The following IL6ST variants were observed in gnomAD, a reference collection of about 807,000 sequenced individuals.
IL6ST encodes the protein interleukin-6 receptor subunit beta.
A neutral mutation model predicts 91.3 loss-of-function variants in IL6ST; 24 were observed. That is an observed-to-expected ratio of 0.26 (90% CI 0.19 to 0.37). IL6ST has a LOEUF of 0.37. IL6ST is among the 10% of genes least tolerant of loss of function. IL6ST has a pLI of 1.00. For missense variants in IL6ST, 914 were observed against 1,078.5 expected (o/e 0.85, Z 2.14); for synonymous variants, 351 against 373.6 (o/e 0.94, Z 0.70).
At chr5:55,967,955 C>A (rs1051263398) in intron 5 of IL6ST, among the ~76,000 whole-genome samples, 11 of 152,086 alleles carry the variant, frequency 7.2e-5, no homozygotes, top group Non-Finnish European at 1.2e-4. Flanking sequence ...GCCACCATGC[C>A]TGGCTAATTT....
chr5:55,988,767 CAA>C (rs34387197), intron 1 of IL6ST, among the ~76,000 whole-genome samples: 98 of 99,126 alleles, frequency 9.9e-4, no homozygotes, highest in Non-Finnish European at 9.3e-4. Flanking sequence ...ACTCCATCTC[CAA>C]AAAAAAAAAA....
At chr5:55,959,559 T>C in intron 8 of IL6ST, 1 of 743,988 alleles carries the variant, frequency 1.3e-6, no homozygotes, top group South Asian at 1.6e-5. Flanking sequence ...GTACACTCTT[T>C]TTGTGCCTTT....
At position 55,935,271 on chromosome 5, in the gene IL6ST, C is replaced by G. The variant is rs535481387; in HGVS notation, c.*5811G>C. On this transcript the variant is annotated 3_prime_UTR_variant, in exon 17 of 17. Coordinates refer to ENST00000381298, the MANE Select transcript of IL6ST (RefSeq NM_002184.4). ...AGCTCAAAAATAAGAAATGACAATT[C>G]TAGATACACTTTTTTGACATGTAAA... 1 of 187,612 alleles carries G rather than the reference C, an allele frequency of 5.3e-6. No homozygotes were observed. The highest frequency in any genetic ancestry group is 2.3e-5 in the African/African-American group (1 of 42,748). 11.6% of individuals were successfully genotyped at this position (187,612 alleles called of 1,614,324 possible). A position where few individuals can be genotyped will look rare whatever the true frequency, so the allele number is the denominator to read the frequency against.
chr5:55,936,617 G>C lies in IL6ST; in HGVS notation c.*4465C>G. ...ATAAATGCTGTTACAAATATGCATA[G>C]TCAGATGATAGTAACCACATACAGA... On this transcript the variant is annotated 3_prime_UTR_variant, in exon 17 of 17. Transcript: ENST00000381298. 1 of 196,912 alleles carries C rather than the reference G, an allele frequency of 5.1e-6. No individual in the cohort carries two copies. Among genetic ancestry groups the C allele is most frequent in the Non-Finnish European group, 1.1e-5 (1 of 95,016 alleles). The allele number at this position is 196,912 out of a possible 1,614,324, so 12.2% of individuals were successfully genotyped here. A position where few individuals can be genotyped will look rare whatever the true frequency, so the allele number is the denominator to read the frequency against.
intron 8 of IL6ST, 143 bp downstream of exon 8, chr5:55,960,259 C>A: frequency 6.5e-6 from 4 of 617,898 alleles, no homozygotes; most frequent in Non-Finnish European, 1.1e-5. Flanking sequence ...TCTTAATGTC[C>A]TTAAAAATTA....
At chr5:55,956,955 C>G (rs1283601147) in intron 9 of IL6ST, among the ~76,000 whole-genome samples, 1 of 152,080 alleles carries the variant, frequency 6.6e-6, no homozygotes, top group Non-Finnish European at 1.5e-5. Flanking sequence ...GTCAAGAGAT[C>G]AAGATCATCC....
At chr5:55,952,217 C>CTT in intron 12 of IL6ST, 33 bp downstream of exon 12, 1 of 1,527,652 alleles carries the variant, frequency 6.5e-7, no homozygotes, top group Non-Finnish European at 9.0e-7. Flanking sequence ...AAGCCCTAAA[C>CTT]TTTTTTTTTC....
chr5:55,955,732 A>T (rs531946875), intron 10 of IL6ST, among the ~76,000 whole-genome samples: 1 of 152,310 alleles, frequency 6.6e-6, no homozygotes, highest in African/African-American at 2.4e-5. Context: ...TAAAAATGCG[A>T]TCACTAGCTG....
At chr5:55,961,777 A>C (rs1238686730) in intron 7 of IL6ST, among the ~76,000 whole-genome samples, 2 of 151,240 alleles carry the variant, frequency 1.3e-5, no homozygotes, top group Non-Finnish European at 2.9e-5. Flanking sequence ...AAAAAAAGAC[A>C]GCCAGTTCCT....
rs1315949436 is a variant in IL6ST at position 55,941,161 on chromosome 5, A to G, written c.2678T>C (p.Met893Thr). Residue 893 changes from methionine (M) to threonine (T), a missense_variant, in exon 17 of 17, where the codon ATG (methionine) becomes ACG (threonine). Transcript: ENST00000381298. ...CATGCCTTCATCAGTCGCAGCCTCCATGCCAACTGTTTCAAATCTTTCTAC... is the reference window on the plus strand; with the variant it reads ...CATGCCTTCATCAGTCGCAGCCTCCGTGCCAACTGTTTCAAATCTTTCTAC... ...GQVERFETVGMEAATDEGMPK... is the reference protein window; with the variant it reads ...GQVERFETVGTEAATDEGMPK... 1.9e-6 allele frequency: 3 copies of G among 1,614,140 alleles called. No homozygotes were observed. The highest frequency in any genetic ancestry group is 3.3e-5 in the Admixed American group (2 of 60,012).
chr5:55,960,395 T>C lies in IL6ST; in HGVS notation c.973+7A>G. 6.2e-7 allele frequency: 1 copy of C among 1,609,774 alleles called. No homozygotes were observed. The highest frequency in any genetic ancestry group is 8.5e-7 in the Non-Finnish European group (1 of 1,177,064). On this transcript the variant is annotated splice_region_variant and intron_variant, in intron 8 of 16. Coordinates refer to ENST00000381298, the MANE Select transcript of IL6ST (RefSeq NM_002184.4). The stretch of plus-strand genomic sequence containing the variant: ...AGCTTTACTTCTTCATATACTTATG[T>C]ACTTACTATCTTCATAGGTGATCCC...
chr5:55,947,426 T>G (rs1751334333), intron 15 of IL6ST, 67 bp downstream of exon 15: 1 of 848,868 alleles, frequency 1.2e-6, no homozygotes, highest in Non-Finnish European at 2.0e-6. Flanking sequence ...TGGATAAATT[T>G]TATTGCATGT....
chr5:55,956,253 A>C lies in IL6ST; in HGVS notation c.1057-18T>G. ...GGCAATGTCTGTAATAAAATAGTTT[A>C]TTTTTAAAAATAATCTCATAAATCT... On this transcript the variant is annotated intron_variant, in intron 9 of 16. Coordinates refer to ENST00000381298, the MANE Select transcript of IL6ST (RefSeq NM_002184.4). The C allele has an allele frequency of 7.3e-7, 1 of 1,371,772 alleles. No individual in the cohort carries two copies. The highest frequency in any genetic ancestry group is 1.2e-5 in the South Asian group (1 of 81,412). The allele number at this position is 1,371,772 out of a possible 1,614,324, so 85.0% of individuals were successfully genotyped here. A position where few individuals can be genotyped will look rare whatever the true frequency, so the allele number is the denominator to read the frequency against.
Position 55,937,564 on chromosome 5 carries a change from A to G in IL6ST, c.*3518T>C, listed in dbSNP as rs954024313. Reference sequence around the variant, plus strand: ...TTAGGCTGTAAGACTGCTAGTTCATACCTTCTTTGAAATCAATGACAATGT... The same window carrying G: ...TTAGGCTGTAAGACTGCTAGTTCATGCCTTCTTTGAAATCAATGACAATGT... On this transcript the variant is annotated 3_prime_UTR_variant, in exon 17 of 17. Transcript: ENST00000381298. The G allele has an allele frequency of 1.5e-5, 3 of 204,534 alleles. No homozygotes were observed. Among genetic ancestry groups the G allele is most frequent in the Non-Finnish European group, 3.0e-5 (3 of 99,780 alleles). 12.7% of individuals were successfully genotyped at this position (204,534 alleles called of 1,614,324 possible). A position where few individuals can be genotyped will look rare whatever the true frequency, so the allele number is the denominator to read the frequency against.
chr5:55,950,186 G>A (rs910143355), intron 14 of IL6ST: 3 of 493,754 alleles, frequency 6.1e-6, no homozygotes, highest in Middle Eastern at 3.2e-4. Flanking sequence ...ATGTATTTGG[G>A]AAGGAAAGAG....
At chr5:55,983,635 C>A (rs1753790360) in intron 1 of IL6ST, among the ~76,000 whole-genome samples, 1 of 151,906 alleles carries the variant, frequency 6.6e-6, no homozygotes, top group African/African-American at 2.4e-5. Flanking sequence ...AACTTAATAA[C>A]ACATAAGGAA....
At position 55,951,596 on chromosome 5, in the gene IL6ST, C is replaced by T; in HGVS notation, c.1708G>A (p.Val570Met). The T allele has an allele frequency of 1.2e-6, 2 of 1,608,622 alleles. No individual in the cohort carries two copies. The highest frequency in any genetic ancestry group is 1.7e-6 in the Non-Finnish European group (2 of 1,178,534). ...GTATATTCTGTGTGGGAAGAATCCA[C>T]ATTCACAGCTGGAAGAAATAAGAAC... ...TIIGNETAVN[V>M]DSSHTEYTLS... Residue 570 changes from valine to methionine, a missense_variant, in exon 14 of 17, where the codon GTG becomes ATG. By Grantham distance (21) the Val-to-Met change is conservative. Transcript: ENST00000381298.
At chr5:55,968,583 G>C (rs907872978) in intron 4 of IL6ST, among the ~76,000 whole-genome samples, 187 bp from the exon 5 acceptor site, 1 of 152,090 alleles carries the variant, frequency 6.6e-6, no homozygotes, top group African/African-American at 2.4e-5. Flanking sequence ...TTCTTTTCAG[G>C]AAGTAATATA....
intron 1 of IL6ST, among the ~76,000 whole-genome samples, chr5:55,989,226 A>T (rs1241103730): frequency 2.0e-5 from 3 of 152,054 alleles, no homozygotes; most frequent in Non-Finnish European, 2.9e-5. Flanking sequence ...TAGACAACTA[A>T]ATCAATGGTA....
Sources: allele counts gnomAD v4.1 joint callset (sites outside exome capture counted in the v4.1 genomes callset), GRCh38; gene constraint gnomAD v4.1.1; transcripts MANE v1.5; gene names NCBI Gene and HGNC (gene_info 2026-07-23, HGNC 2026-07-21).